The following HERC4 variants were observed in gnomAD, a reference collection of about 807,000 sequenced individuals.
The protein encoded by HERC4 is HECT and RLD domain containing E3 ubiquitin protein ligase 4, also known as probable E3 ubiquitin-protein ligase HERC4.
HERC4 carries 28 observed loss-of-function variants against 124.3 expected under a neutral mutation model. The ratio of observed to expected loss-of-function variants is 0.23; its 90% confidence interval spans 0.17 to 0.31. The LOEUF (loss-of-function observed/expected upper bound fraction) is 0.31. Among genes scored for constraint, HERC4 ranks in the 10% least tolerant of loss-of-function variants. The pLI is 1.00. For synonymous variants in HERC4, 407 were observed against 421.5 expected (o/e 0.97, Z 0.42); for missense variants, 713 against 1,229.3 (o/e 0.58, Z 6.28).
At chr10:67,959,828 A>G (rs890113749) in intron 16 of HERC4, among the ~76,000 whole-genome samples, 6 of 152,246 alleles carry the variant, frequency 3.9e-5, no homozygotes, top group Admixed American at 3.9e-4. Flanking sequence ...ACAGAAATGT[A>G]CATTTTCTTG....
At chr10:67,960,220 A>G (rs560232604) in intron 16 of HERC4, among the ~76,000 whole-genome samples, 2 of 152,326 alleles carry the variant, frequency 1.3e-5, no homozygotes, top group South Asian at 4.1e-4. Flanking sequence ...AATACTCTGT[A>G]TTGTTACACA....
intron 4 of HERC4, among the ~76,000 whole-genome samples, chr10:68,041,593 C>T (rs367977434): frequency 6.6e-6 from 1 of 152,050 alleles, no homozygotes; most frequent in African/African-American, 2.4e-5. Flanking sequence ...TACTATCTTG[C>T]CATAATTTTT....
intron 4 of HERC4, among the ~76,000 whole-genome samples, chr10:68,040,930 GC>G (rs1175217380): frequency 1.3e-5 from 2 of 149,926 alleles, no homozygotes; most frequent in Non-Finnish European, 3.0e-5. Flanking sequence ...AGAAAAAGAA[GC>G]CAGAATAAAT....
chr10:67,932,636 G>A lies in HERC4; in HGVS notation c.2799C>T (p.Val933=). 1 of 1,610,662 alleles carries A rather than the reference G, an allele frequency of 6.2e-7. No homozygotes were observed. Residue 933 remains valine, a synonymous_variant, in exon 23 of 25, where the codon GTC becomes GTT. Coordinates refer to ENST00000373700, the MANE Select transcript of HERC4 (RefSeq NM_015601.4). ...TCCAATCATAATTTGTATTTCCAAT[G>A]ACCATTGCTTGTAGTTCATTAGGCT... is the stretch of plus-strand genomic sequence containing the variant. ...LFQPNELQAM[V]IGNTNYDWKE...
chr10:68,046,118 GACAC>G (rs2040000543), intron 3 of HERC4, among the ~76,000 whole-genome samples: 1 of 149,436 alleles, frequency 6.7e-6, no homozygotes, highest in African/African-American at 2.5e-5. Context: ...AGCAAGATAT[GACAC>G]ACACTGTTCC....
chr10:67,999,563 G>A (rs1254668060), intron 9 of HERC4, among the ~76,000 whole-genome samples: 1 of 152,204 alleles, frequency 6.6e-6, no homozygotes, highest in Non-Finnish European at 1.5e-5. Context: ...CTTTCAAAAC[G>A]TAGCAGTGAA....
At chr10:67,944,873 T>C (rs760025530) in intron 19 of HERC4, among the ~76,000 whole-genome samples, 7 of 152,304 alleles carry the variant, frequency 4.6e-5, no homozygotes, top group East Asian at 3.9e-4. Context: ...ATTAGTGAGC[T>C]TGAAGACAGG....
At chr10:68,038,335 TA>T (rs2039584151) in intron 4 of HERC4, 166 bp from the exon 5 acceptor site, 1 of 415,138 alleles carries the variant, frequency 2.4e-6, no homozygotes. Flanking sequence ...CTAAAATCAG[TA>T]AACAAGAGCT....
At chr10:68,046,005 C>G (rs2039995414) in intron 3 of HERC4, among the ~76,000 whole-genome samples, 3 of 152,074 alleles carry the variant, frequency 2.0e-5, no homozygotes, top group African/African-American at 4.8e-5. Context: ...TACTTACCTA[C>G]TCCTGAAGCT....
chr10:68,072,230 C>T (rs1448156049), intron 3 of HERC4, among the ~76,000 whole-genome samples: 1 of 152,052 alleles, frequency 6.6e-6, no homozygotes, highest in Non-Finnish European at 1.5e-5. Flanking sequence ...AGGAACAGAA[C>T]ATGAAATGTG....
chr10:68,039,286 A>G, intron 4 of HERC4: 3 of 1,227,508 alleles, frequency 2.4e-6, no homozygotes, highest in Non-Finnish European at 2.2e-6. Flanking sequence ...ATCGCACTCC[A>G]GAATGGGCGA....
At chr10:68,001,392 CTT>C (rs1288098356) in intron 9 of HERC4, among the ~76,000 whole-genome samples, 7 of 151,320 alleles carry the variant, frequency 4.6e-5, no homozygotes, top group African/African-American at 7.3e-5. Flanking sequence ...AAAAATTCCT[CTT>C]GTTTACCCAT....
At chr10:68,020,768 C>CAA (rs149936767) in intron 8 of HERC4, among the ~76,000 whole-genome samples, 418 of 88,456 alleles carry the variant, frequency 4.7e-3, no homozygotes, top group Non-Finnish European at 6.7e-3. Flanking sequence ...GACTCCGTCT[C>CAA]AAAAAAAAAA....
chr10:68,014,974 T>C (rs961293169), intron 8 of HERC4, among the ~76,000 whole-genome samples: 2 of 152,352 alleles, frequency 1.3e-5, no homozygotes, highest in Admixed American at 1.3e-4. Context: ...TTGTGGCATA[T>C]TGTTTATAAA....
At chr10:68,028,171 C>T (rs1020171804) in intron 7 of HERC4, among the ~76,000 whole-genome samples, 1 of 150,604 alleles carries the variant, frequency 6.6e-6, no homozygotes, top group Non-Finnish European at 1.5e-5. Context: ...TAACTTAACT[C>T]ATTAACTATT....
At chr10:68,066,547 T>C (rs2041312688) in intron 3 of HERC4, among the ~76,000 whole-genome samples, 1 of 152,166 alleles carries the variant, frequency 6.6e-6, no homozygotes, top group African/African-American at 2.4e-5. Context: ...TTGTCTTCTG[T>C]GTAGGTTTTA....
intron 7 of HERC4, among the ~76,000 whole-genome samples, chr10:68,027,637 G>A (rs1159228112): frequency 6.6e-6 from 1 of 152,144 alleles, no homozygotes; most frequent in African/African-American, 2.4e-5. Flanking sequence ...AAATAACTAA[G>A]TCGGGTGGGG....
chr10:67,930,357 G>A (rs1052277552), intron 23 of HERC4, among the ~76,000 whole-genome samples: 1 of 152,154 alleles, frequency 6.6e-6, no homozygotes, highest in Non-Finnish European at 1.5e-5. Context: ...ACCATCTCCA[G>A]AATTCATTTC....
At chr10:68,065,022 T>G (rs2041233553) in intron 3 of HERC4, among the ~76,000 whole-genome samples, 1 of 151,564 alleles carries the variant, frequency 6.6e-6, no homozygotes, top group Non-Finnish European at 1.5e-5. Flanking sequence ...TTTTGGTACA[T>G]CTAAATGATG....
Sources: allele counts gnomAD v4.1 joint callset (sites outside exome capture counted in the v4.1 genomes callset), GRCh38; gene constraint gnomAD v4.1.1; transcripts MANE v1.5; gene names NCBI Gene and HGNC (gene_info 2026-07-23, HGNC 2026-07-21).